Variants in ADGRD1 observed in about 807,000 individuals in gnomAD.
The protein encoded by ADGRD1 is G-protein coupled receptor 133.
In ADGRD1, 77 loss-of-function variants were observed where a neutral mutation model predicts 113.4. That is an observed-to-expected ratio of 0.68 (90% confidence interval 0.57 to 0.82). ADGRD1 has a LOEUF of 0.82. ADGRD1 is among the 40% of genes least tolerant of loss of function. The probability of loss-of-function intolerance (pLI) is 0.00; values close to 1 mark genes in which losing one functional copy is unlikely to be tolerated. For synonymous variants in ADGRD1, 474 were observed against 475.0 expected (o/e 1.00, Z 0.03); for missense variants, 1,036 against 1,139.1 (o/e 0.91, Z 1.30).
intron 13 of ADGRD1, among the ~76,000 whole-genome samples, chr12:131,035,789 C>T (rs1006373477): frequency 6.6e-6 from 1 of 152,178 alleles, no homozygotes; most frequent in African/African-American, 2.4e-5. Context: ...AAAATGGATC[C>T]ATTTTCCTAG....
chr12:131,037,679 T>C (rs1881660027), intron 13 of ADGRD1, among the ~76,000 whole-genome samples: 1 of 35,320 alleles, frequency 2.8e-5, no homozygotes, highest in Non-Finnish European at 5.4e-5. Flanking sequence ...CTCACTGCAC[T>C]GGGTCTTACT....
intron 15 of ADGRD1, among the ~76,000 whole-genome samples, chr12:131,093,960 C>T (rs879541117): frequency 8.1e-6 from 1 of 123,442 alleles, no homozygotes; most frequent in East Asian, 2.9e-4. Flanking sequence ...CACCCAGCCT[C>T]AGCACCCAGC....
intron 2 of ADGRD1, chr12:130,956,374 G>A (rs1207905113): frequency 6.6e-6 from 1 of 152,274 alleles, no homozygotes; most frequent in Non-Finnish European, 1.5e-5. Flanking sequence ...TGCATAGGGA[G>A]CTCCTTTTAA....
intron 13 of ADGRD1, among the ~76,000 whole-genome samples, chr12:131,031,070 A>G (rs1475653647): frequency 2.6e-5 from 4 of 152,136 alleles, no homozygotes; most frequent in African/African-American, 9.7e-5. Flanking sequence ...CAGGAAGGGC[A>G]ACACCTCATC....
At chr12:130,962,995 T>C (rs1273987880) in intron 2 of ADGRD1, 2 of 152,178 alleles carry the variant, frequency 1.3e-5, no homozygotes, top group East Asian at 3.8e-4. Flanking sequence ...AAAGCAAGCC[T>C]TAAAATATTT....
In ADGRD1 at chr12:131,096,817, A is replaced by G. The variant is rs1887317382; in HGVS notation, c.1672-8014A>G. Among the ~76,000 whole-genome samples the G allele has an allele frequency of 6.6e-6, 1 of 152,166 alleles. No individual in the cohort carries two copies. On this transcript the variant is annotated intron_variant, in intron 15 of 24. Transcript: ENST00000261654. This position sits in a 1 kb window ranked among gnomAD's most constrained non-coding sequence, Gnocchi z 5.2. ...GGGACTCAGCCCTGAGTTCCCAGTC[A>G]TGTTGAGTCCTGGGTTCTGCTCTGA...
intron 13 of ADGRD1, among the ~76,000 whole-genome samples, chr12:131,036,363 A>G (rs1434629026): frequency 2.0e-5 from 3 of 148,384 alleles, no homozygotes; most frequent in African/African-American, 7.5e-5. Flanking sequence ...TACTCACTGC[A>G]TGGGGCCTCA....
chr12:130,995,348 A>G (rs1322237811), intron 8 of ADGRD1, among the ~76,000 whole-genome samples: 1 of 152,226 alleles, frequency 6.6e-6, no homozygotes, highest in Admixed American at 6.5e-5. Flanking sequence ...CCGTATCCTT[A>G]TTGGCTGTCT....
At chr12:131,009,558 C>A (rs953111589) in intron 12 of ADGRD1, among the ~76,000 whole-genome samples, 1 of 152,160 alleles carries the variant, frequency 6.6e-6, no homozygotes, top group South Asian at 2.1e-4. Flanking sequence ...TTTTAGGAGA[C>A]ACGTGGTAGA....
chr12:131,005,696 G>A (rs1877004967), intron 11 of ADGRD1, among the ~76,000 whole-genome samples: 1 of 152,230 alleles, frequency 6.6e-6, no homozygotes, highest in African/African-American at 2.4e-5. Context: ...GAGACCGTGT[G>A]ATGCCCTGGG....
chr12:131,123,409 T>C (rs993184357), intron 20 of ADGRD1, among the ~76,000 whole-genome samples: 2 of 152,112 alleles, frequency 1.3e-5, no homozygotes, highest in Admixed American at 1.3e-4. Flanking sequence ...TGTTGGCCTT[T>C]AGAATCTTCC....
At chr12:131,042,199 G>A (rs1882203477) in intron 13 of ADGRD1, among the ~76,000 whole-genome samples, 1 of 152,214 alleles carries the variant, frequency 6.6e-6, no homozygotes, top group Non-Finnish European at 1.5e-5. Flanking sequence ...TAAAATGTTA[G>A]CAAGTGATTC....
At position 131,003,542 on chromosome 12, in the gene ADGRD1, C is replaced by A. The variant is rs1449621395; in HGVS notation, c.1144+240C>A. Among the ~76,000 whole-genome samples, 1 of 152,134 alleles carries A rather than the reference C, an allele frequency of 6.6e-6. No individual in the cohort carries two copies. Among genetic ancestry groups the A allele is most frequent in the Non-Finnish European group, 1.5e-5 (1 of 68,024 alleles). On this transcript the variant is annotated intron_variant, in intron 10 of 24. Coordinates refer to ENST00000261654, the MANE Select transcript of ADGRD1 (RefSeq NM_198827.5). The surrounding 1 kb of genome is among the most constrained non-coding windows in gnomAD (Gnocchi z 4.8). Reference sequence around the variant, plus strand: ...AGTGACTTGGGAGCCAAGCTCCTGCCCTGGGATGATGGTCTCGGTTCAGAG... The same window carrying A: ...AGTGACTTGGGAGCCAAGCTCCTGCACTGGGATGATGGTCTCGGTTCAGAG...
chr12:131,135,782 T>C (rs1277001703), intron 21 of ADGRD1, among the ~76,000 whole-genome samples: 1 of 152,180 alleles, frequency 6.6e-6, no homozygotes, highest in Non-Finnish European at 1.5e-5. Flanking sequence ...ATGGCCTAGG[T>C]GAGCCCTGGG....
Position 130,987,286 on chromosome 12 carries a change from TTCA to T in ADGRD1, c.688_690del (p.Ile230del). On this transcript the variant is annotated inframe_deletion, in exon 6 of 25. Coordinates refer to ENST00000261654, the MANE Select transcript of ADGRD1 (RefSeq NM_198827.5). ...TTATGAGAACGGTGCTTTCGATGAGTTCATCATCTGGGAGCGGGCTCTGACTCC... is the reference window on the plus strand; with the variant it reads ...TTATGAGAACGGTGCTTTCGATGAGTTCATCTGGGAGCGGGCTCTGACTCC... 1 of 1,614,176 alleles carries T rather than the reference TTCA, an allele frequency of 6.2e-7. No homozygotes were observed. The highest frequency in any genetic ancestry group is 8.5e-7 in the Non-Finnish European group (1 of 1,180,016).
intron 13 of ADGRD1, chr12:131,035,337 G>A (rs1300057318): frequency 1.3e-5 from 2 of 152,408 alleles, no homozygotes; most frequent in African/African-American, 2.4e-5. Context: ...TGTGCGCCAT[G>A]CGTTGTGCTT....
intron 13 of ADGRD1, among the ~76,000 whole-genome samples, chr12:131,053,408 T>C (rs1883577213): frequency 6.6e-6 from 1 of 152,258 alleles, no homozygotes; most frequent in African/African-American, 2.4e-5. Context: ...AGTGCTCTGC[T>C]AAATCAGGAA....
intron 4 of ADGRD1, chr12:130,980,810 A>G (rs1872887916): frequency 6.6e-6 from 1 of 152,266 alleles, no homozygotes; most frequent in South Asian, 2.1e-4. Context: ...CCACAAAGGT[A>G]CAATATCTAA....
intron 19 of ADGRD1, among the ~76,000 whole-genome samples, chr12:131,118,835 CGTGT>C (rs1376190163): frequency 2.0e-5 from 3 of 152,288 alleles, no homozygotes; most frequent in East Asian, 3.9e-4. Context: ...CTGTGCAGAC[CGTGT>C]GCCCAGTAAC....
Sources: gnomAD v4.1 joint callset for allele counts (sites outside exome capture counted in the v4.1 genomes callset) on GRCh38, gnomAD v4.1.1 for gene constraint, Gnocchi (gnomAD v3.1) non-coding constraint, MANE v1.5 for transcripts, NCBI Gene and HGNC (gene_info 2026-07-23, HGNC 2026-07-21) for gene names.